Variants in WDR27 observed in about 807,000 individuals in gnomAD.
The protein encoded by WDR27 is WD repeat-containing protein 27.
A neutral mutation model predicts 114.4 loss-of-function variants in WDR27; 100 were observed. The ratio of observed to expected loss-of-function variants is 0.87; its 90% CI spans 0.74 to 1.03. The LOEUF is 1.03. WDR27 is among the 50% of genes least tolerant of loss of function. WDR27 has a pLI of 0.00. For missense variants in WDR27, 1,129 were observed against 1,092.9 expected (o/e 1.03, Z -0.47); for synonymous variants, 449 against 423.1 (o/e 1.06, Z -0.75).
At chr6:169,632,134 G>C (rs1404028026) in intron 21 of WDR27, among the ~76,000 whole-genome samples, 1 of 149,768 alleles carries the variant, frequency 6.7e-6, no homozygotes, top group Non-Finnish European at 1.5e-5. Flanking sequence ...GTTGCAGTGA[G>C]CCGAGATAGT....
intron 23 of WDR27, among the ~76,000 whole-genome samples, chr6:169,594,308 T>G (rs1806353539): frequency 6.6e-6 from 1 of 152,246 alleles, no homozygotes; most frequent in African/African-American, 2.4e-5. Context: ...TGTTCTTATT[T>G]TAATGTATTG....
intron 25 of WDR27, among the ~76,000 whole-genome samples, chr6:169,466,068 A>G (rs1184295944): frequency 6.6e-6 from 1 of 152,244 alleles, no homozygotes; most frequent in Non-Finnish European, 1.5e-5. Context: ...ATACATTTCT[A>G]TAACTTCTTA....
At chr6:169,682,865 AAC>A (rs1781888476) in intron 2 of WDR27, among the ~76,000 whole-genome samples, 1 of 152,260 alleles carries the variant, frequency 6.6e-6, no homozygotes, top group South Asian at 2.1e-4. Context: ...AAAGAAACTT[AAC>A]AGAGATTAAT....
chr6:169,683,244 C>T (rs1162112761), intron 2 of WDR27, among the ~76,000 whole-genome samples: 1 of 152,008 alleles, frequency 6.6e-6, no homozygotes, highest in Non-Finnish European at 1.5e-5. Flanking sequence ...TAAAAATACC[C>T]AAAGATATAT....
At chr6:169,443,903 G>A in the WDR27 span, among the ~76,000 whole-genome samples, 2 of 152,174 alleles carry the variant, frequency 1.3e-5, no homozygotes, top group Non-Finnish European at 2.9e-5. Context: ...ACCTGGCATT[G>A]CCACCTCCAG....
At chr6:169,665,818 C>T (rs1310646229) in intron 6 of WDR27, among the ~76,000 whole-genome samples, 1 of 152,186 alleles carries the variant, frequency 6.6e-6, no homozygotes, top group Non-Finnish European at 1.5e-5. Context: ...ACAGATGGGT[C>T]CCGAGGAATC....
intron 4 of WDR27, chr6:169,668,492 T>G (rs2128290458): frequency 6.4e-6 from 2 of 311,280 alleles, no homozygotes; most frequent in South Asian, 3.5e-5. Flanking sequence ...TAGGGCTTCC[T>G]ACAAGACAAG....
At chr6:169,489,195 T>C (rs921444784) in intron 25 of WDR27, among the ~76,000 whole-genome samples, 8 of 152,200 alleles carry the variant, frequency 5.3e-5, no homozygotes, top group Non-Finnish European at 1.2e-4. Flanking sequence ...AACTTCCCGC[T>C]GAGCACCTCC....
At chr6:169,690,492 T>C (rs1784202387) in intron 1 of WDR27, among the ~76,000 whole-genome samples, 1 of 152,212 alleles carries the variant, frequency 6.6e-6, no homozygotes. Flanking sequence ...TTGGGAGCTC[T>C]TCCCATTCTC....
At chr6:169,509,251 A>C (rs1792424959) in intron 25 of WDR27, among the ~76,000 whole-genome samples, 2 of 152,176 alleles carry the variant, frequency 1.3e-5, no homozygotes, top group Non-Finnish European at 2.9e-5. Flanking sequence ...GCTACCAATG[A>C]CTTTCTTCAC....
chr6:169,670,038 CA>C (rs1489631726), intron 4 of WDR27: 1 of 152,386 alleles, frequency 6.6e-6, no homozygotes. Flanking sequence ...TCAGAGGAAA[CA>C]AAAGTCCTCC....
the WDR27 span, among the ~76,000 whole-genome samples, chr6:169,445,803 G>A: frequency 1.2e-4 from 19 of 152,326 alleles, no homozygotes; most frequent in East Asian, 1.7e-3. Context: ...AGACCGAGGC[G>A]GTGCTCCCAG....
intron 15 of WDR27, among the ~76,000 whole-genome samples, chr6:169,648,556 G>A (rs998700100): frequency 1.3e-5 from 2 of 152,276 alleles, no homozygotes; most frequent in African/African-American, 2.4e-5. Context: ...CAGCAAGGCT[G>A]CAGAAAAATG....
chr6:169,647,660 A>C, intron 16 of WDR27, 113 bp downstream of exon 16: 2 of 1,011,420 alleles, frequency 2.0e-6, no homozygotes, highest in East Asian at 2.6e-5. Flanking sequence ...CAAGTAACCA[A>C]GGTTTTTAAA....
chr6:169,501,986 G>C (rs1791311018), intron 25 of WDR27, among the ~76,000 whole-genome samples: 1 of 152,206 alleles, frequency 6.6e-6, no homozygotes, highest in East Asian at 1.9e-4. Flanking sequence ...CCAAGGACTG[G>C]GCCGGATCGC....
intron 8 of WDR27, 139 bp downstream of exon 8, chr6:169,664,026 TG>T: frequency 1.3e-6 from 1 of 782,662 alleles, no homozygotes; most frequent in Non-Finnish European, 1.9e-6. Context: ...AGGGCCTCAG[TG>T]GTTTTCTGAG....
chr6:169,430,207 G>C, the WDR27 span, among the ~76,000 whole-genome samples: 79 of 152,352 alleles, frequency 5.2e-4, 1 homozygote, highest in African/African-American at 1.6e-3. Flanking sequence ...CTTTGGTTCA[G>C]ACACAGAGCC....
chr6:169,581,333 C>T (rs1196476820), intron 24 of WDR27, among the ~76,000 whole-genome samples: 1 of 152,122 alleles, frequency 6.6e-6, no homozygotes, highest in Non-Finnish European at 1.5e-5. Context: ...CACCGCCCAC[C>T]CTGCTGGGTC....
chr6:169,528,427 T>C (rs1795197867), intron 25 of WDR27, among the ~76,000 whole-genome samples: 1 of 152,212 alleles, frequency 6.6e-6, no homozygotes, highest in Non-Finnish European at 1.5e-5. Flanking sequence ...AGGAAGTGAG[T>C]GGCTCCATCC....
Sources: allele counts gnomAD v4.1 joint callset (sites outside exome capture counted in the v4.1 genomes callset), GRCh38; gene constraint gnomAD v4.1.1; transcripts MANE v1.5; gene names NCBI Gene and HGNC (gene_info 2026-07-23, HGNC 2026-07-21).